The following MBOAT2 variants were observed in gnomAD, a reference collection of about 807,000 sequenced individuals.
The protein encoded by MBOAT2 is membrane-bound glycerophospholipid O-acyltransferase 2.
MBOAT2 carries 28 observed loss-of-function variants against 63.4 expected under a neutral mutation model. The observed-to-expected ratio is 0.44, with a 90% CI of 0.33 to 0.61. The LOEUF (loss-of-function observed/expected upper bound fraction) is 0.61. MBOAT2 is among the 20% of genes least tolerant of loss of function. MBOAT2 has a pLI of 0.03. For missense variants in MBOAT2, 470 were observed against 605.8 expected (o/e 0.78, Z 2.35); for synonymous variants, 211 against 215.6 (o/e 0.98, Z 0.19).
rs184395376 is a variant in MBOAT2 at position 8,869,012 on chromosome 2, T to C, written c.884-463A>G. On this transcript the variant is annotated intron_variant, in intron 8 of 12. Coordinates refer to ENST00000305997, the MANE Select transcript of MBOAT2 (RefSeq NM_138799.4). ...ATATTTTCCTTCCATTTTTTTTCTTTCTTGGTTCACCAGAACCTACTCTGT... is the reference window on the plus strand; with the variant it reads ...ATATTTTCCTTCCATTTTTTTTCTTCCTTGGTTCACCAGAACCTACTCTGT... 8.4e-3 allele frequency among the ~76,000 whole-genome samples: 1,280 copies of C among 152,268 alleles called. 11 individuals are homozygous for C. Among genetic ancestry groups the C allele is most frequent in the Non-Finnish European group, 0.014 (921 of 68,026 alleles).
At chr2:8,953,961 T>C (rs1187148696) in intron 2 of MBOAT2, among the ~76,000 whole-genome samples, 1 of 152,254 alleles carries the variant, frequency 6.6e-6, no homozygotes, top group Non-Finnish European at 1.5e-5. Flanking sequence ...GCTGGAGATC[T>C]AGTGCAATCA....
intron 4 of MBOAT2, 113 bp from the exon 5 acceptor site, chr2:8,888,186 T>C (rs1663705200): frequency 2.9e-6 from 3 of 1,030,268 alleles, no homozygotes; most frequent in Non-Finnish European, 4.3e-6. Flanking sequence ...CTGAAATTTT[T>C]AACATAAAAA....
intron 1 of MBOAT2, among the ~76,000 whole-genome samples, chr2:8,989,735 A>G (rs1169002965): frequency 6.6e-6 from 1 of 152,236 alleles, no homozygotes; most frequent in East Asian, 1.9e-4. Context: ...AAGCATGTAA[A>G]TGACAAACTC....
chr2:8,992,001 A>G (rs1201084145), intron 1 of MBOAT2, among the ~76,000 whole-genome samples: 1 of 152,134 alleles, frequency 6.6e-6, no homozygotes, highest in Non-Finnish European at 1.5e-5. Context: ...CAGACATCTG[A>G]ACTTGGAATT....
chr2:8,994,540 A>G (rs914076271), intron 1 of MBOAT2, among the ~76,000 whole-genome samples: 4 of 152,344 alleles, frequency 2.6e-5, no homozygotes, highest in South Asian at 4.1e-4. Flanking sequence ...CAGATCAGGA[A>G]TACCAGGGGC....
chr2:8,898,136 T>A (rs1664626089), intron 4 of MBOAT2, among the ~76,000 whole-genome samples: 1 of 152,214 alleles, frequency 6.6e-6, no homozygotes, highest in African/African-American at 2.4e-5. Flanking sequence ...CTCCAAGAGC[T>A]ATCCTTGCTC....
intron 1 of MBOAT2, among the ~76,000 whole-genome samples, chr2:9,001,112 G>A (rs1672656536): frequency 6.6e-6 from 1 of 152,016 alleles, no homozygotes; most frequent in South Asian, 2.1e-4. Context: ...GCAATAACAT[G>A]CACGGAGCTG....
chr2:8,992,918 T>C (rs1384603518), intron 1 of MBOAT2, among the ~76,000 whole-genome samples: 1 of 152,174 alleles, frequency 6.6e-6, no homozygotes, highest in East Asian at 1.9e-4. Context: ...CTGTCAATGA[T>C]TCATCTGCTG....
At chr2:8,969,679 A>G (rs1670293985) in intron 1 of MBOAT2, among the ~76,000 whole-genome samples, 1 of 152,210 alleles carries the variant, frequency 6.6e-6, no homozygotes, top group Non-Finnish European at 1.5e-5. Context: ...AGGAAGATCT[A>G]CCAAGCAAAT....
intron 1 of MBOAT2, among the ~76,000 whole-genome samples, chr2:8,976,689 C>T (rs1290453504): frequency 6.6e-6 from 1 of 152,136 alleles, no homozygotes; most frequent in Non-Finnish European, 1.5e-5. Context: ...CAGAGCGTGT[C>T]TCCCTGTGTG....
intron 9 of MBOAT2, among the ~76,000 whole-genome samples, chr2:8,867,653 C>T (rs1661998599): frequency 6.6e-6 from 1 of 152,222 alleles, no homozygotes; most frequent in Admixed American, 6.5e-5. Flanking sequence ...ATAACTCATT[C>T]TCTCTTGCTG....
At chr2:8,912,365 G>GA (rs1395575861) in intron 3 of MBOAT2, among the ~76,000 whole-genome samples, 1 of 93,946 alleles carries the variant, frequency 1.1e-5, no homozygotes, top group Non-Finnish European at 2.2e-5. Context: ...AAGAAAGAAA[G>GA]AAAGAAAGAG....
intron 3 of MBOAT2, among the ~76,000 whole-genome samples, chr2:8,937,896 C>T (rs909942286): frequency 6.6e-6 from 1 of 152,158 alleles, no homozygotes; most frequent in Non-Finnish European, 1.5e-5. Flanking sequence ...ATCACTCACA[C>T]TCGCCAGGGA....
intron 3 of MBOAT2, among the ~76,000 whole-genome samples, chr2:8,920,724 C>A (rs962989352): frequency 1.1e-4 from 17 of 152,174 alleles, no homozygotes; most frequent in African/African-American, 4.1e-4. Flanking sequence ...TCAAGTGCAA[C>A]TGCAATTCTT....
At chr2:8,921,908 G>A (rs1449713758) in intron 3 of MBOAT2, among the ~76,000 whole-genome samples, 1 of 152,082 alleles carries the variant, frequency 6.6e-6, no homozygotes, top group Non-Finnish European at 1.5e-5. Context: ...ACAGATTAAT[G>A]TTTTACATCA....
chr2:8,900,847 C>T (rs1664868654), intron 4 of MBOAT2, among the ~76,000 whole-genome samples: 1 of 152,136 alleles, frequency 6.6e-6, no homozygotes, highest in African/African-American at 2.4e-5. Flanking sequence ...TTGTACTTCC[C>T]TCTGGTGGCC....
At chr2:8,871,037 C>T (rs769245946) in intron 8 of MBOAT2, among the ~76,000 whole-genome samples, 9 of 151,964 alleles carry the variant, frequency 5.9e-5, no homozygotes, top group Non-Finnish European at 1.3e-4. Context: ...CTCTGTTACC[C>T]AGGCTGGAGT....
intron 7 of MBOAT2, among the ~76,000 whole-genome samples, chr2:8,876,278 T>C (rs1322197394): frequency 2.0e-5 from 3 of 152,254 alleles, no homozygotes; most frequent in African/African-American, 7.2e-5. Flanking sequence ...CAGATTGCAC[T>C]GGTTTGAATT....
intron 9 of MBOAT2, among the ~76,000 whole-genome samples, chr2:8,864,827 T>C (rs1009032159): frequency 6.6e-6 from 1 of 152,140 alleles, no homozygotes; most frequent in African/African-American, 2.4e-5. Flanking sequence ...GCCTTTCATC[T>C]CCCACCCTGT....
Sources: gnomAD v4.1 joint callset for allele counts (sites outside exome capture counted in the v4.1 genomes callset) on GRCh38, gnomAD v4.1.1 for gene constraint, MANE v1.5 for transcripts, NCBI Gene and HGNC (gene_info 2026-07-23, HGNC 2026-07-21) for gene names.